The following THSD7A variants were observed in gnomAD, a reference collection of about 807,000 sequenced individuals.
The protein encoded by THSD7A is thrombospondin type-1 domain-containing protein 7A.
Under a neutral mutation model 231.3 loss-of-function variants are expected in THSD7A, and 96 were observed. That is an observed-to-expected ratio of 0.41 (90% confidence interval 0.35 to 0.49). THSD7A has a LOEUF of 0.49. THSD7A is among the 20% of genes least tolerant of loss of function. The pLI, the probability that THSD7A is intolerant of heterozygous loss-of-function variation, is 0.05. For missense variants in THSD7A, 2,290 were observed against 2,070.2 expected (o/e 1.11, Z -2.06); for synonymous variants, 940 against 743.3 (o/e 1.26, Z -4.30).
intron 13 of THSD7A, among the ~76,000 whole-genome samples, chr7:11,430,182 C>A (rs1784437069): frequency 1.3e-5 from 2 of 152,278 alleles, no homozygotes; most frequent in East Asian, 1.9e-4. Flanking sequence ...TGATACTAGG[C>A]AACTCTAGGT....
intron 4 of THSD7A, among the ~76,000 whole-genome samples, chr7:11,556,270 C>CAT (rs202113823): frequency 0.012 from 1,844 of 150,982 alleles, 16 homozygotes; most frequent in Middle Eastern, 0.021. Flanking sequence ...ATATATATGT[C>CAT]ATATATATGG....
intron 1 of THSD7A, among the ~76,000 whole-genome samples, chr7:11,732,541 T>C (rs898859803): frequency 6.6e-6 from 1 of 151,868 alleles, no homozygotes; most frequent in Non-Finnish European, 1.5e-5. Context: ...AATTGTATTT[T>C]ACACTGTGCC....
At chr7:11,385,114 T>C (rs61708037) in intron 23 of THSD7A, 3 of 138,650 alleles carry the variant, frequency 2.2e-5, no homozygotes, top group Non-Finnish European at 4.7e-5. Context: ...TTTTGCTGGT[T>C]AAAAAAAAAA....
intron 1 of THSD7A, among the ~76,000 whole-genome samples, chr7:11,678,965 C>T (rs1783756855): frequency 6.6e-6 from 1 of 152,130 alleles, no homozygotes; most frequent in South Asian, 2.1e-4. Context: ...TTCTGGCAAA[C>T]CAAATCCAGA....
chr7:11,666,677 GT>G (rs34380473), intron 1 of THSD7A, among the ~76,000 whole-genome samples: 2 of 150,616 alleles, frequency 1.3e-5, no homozygotes, highest in South Asian at 4.2e-4. Flanking sequence ...TGATGAAACT[GT>G]TTTTTGATTC....
At chr7:11,494,853 T>C (rs1043908693) in intron 6 of THSD7A, among the ~76,000 whole-genome samples, 2 of 152,076 alleles carry the variant, frequency 1.3e-5, no homozygotes, top group Non-Finnish European at 2.9e-5. Context: ...ACCTTTATAA[T>C]ACAGCATTTT....
intron 1 of THSD7A, among the ~76,000 whole-genome samples, chr7:11,822,413 T>G (rs1479446849): frequency 1.3e-5 from 2 of 152,160 alleles, no homozygotes; most frequent in Admixed American, 6.6e-5. Context: ...TTATATTGTA[T>G]ACATATACAC....
intron 23 of THSD7A, among the ~76,000 whole-genome samples, chr7:11,394,525 A>G (rs1783106502): frequency 6.6e-6 from 1 of 152,194 alleles, no homozygotes; most frequent in Admixed American, 6.5e-5. Flanking sequence ...ACCCTGAGGC[A>G]GAGGGCAAGG....
chr7:11,549,784 G>A (rs2354959), intron 4 of THSD7A, among the ~76,000 whole-genome samples: 41,102 of 96,898 alleles, frequency 0.42, 6,327 homozygotes, highest in Admixed American at 0.56. Flanking sequence ...GTGTGGTTGG[G>A]GGGAGCATCA....
intron 11 of THSD7A, among the ~76,000 whole-genome samples, chr7:11,458,101 A>AG (rs1785368210): frequency 6.6e-6 from 1 of 152,058 alleles, no homozygotes; most frequent in African/African-American, 2.4e-5. Flanking sequence ...CTGATGTGCT[A>AG]GGGGGGACAG....
intron 1 of THSD7A, among the ~76,000 whole-genome samples, chr7:11,647,808 C>G (rs1209900437): frequency 6.6e-6 from 1 of 151,976 alleles, no homozygotes; most frequent in East Asian, 1.9e-4. Context: ...ACAGGTTGGT[C>G]CTTAGCAATT....
intron 6 of THSD7A, among the ~76,000 whole-genome samples, chr7:11,515,143 T>C (rs1375253195): frequency 6.6e-6 from 1 of 152,212 alleles, no homozygotes; most frequent in Non-Finnish European, 1.5e-5. Flanking sequence ...TTAAAATACA[T>C]GCTTTCATCT....
chr7:11,440,359 C>T (rs927145632), intron 13 of THSD7A, among the ~76,000 whole-genome samples: 3 of 152,076 alleles, frequency 2.0e-5, no homozygotes, highest in African/African-American at 7.2e-5. Flanking sequence ...TTCTGCAGCA[C>T]ATGGGCCAAA....
intron 7 of THSD7A, among the ~76,000 whole-genome samples, chr7:11,480,218 A>G (rs1333405024): frequency 6.6e-6 from 1 of 152,212 alleles, no homozygotes; most frequent in Non-Finnish European, 1.5e-5. Context: ...CATATCAAAG[A>G]GCAATCACAA....
At chr7:11,696,047 T>G (rs887145603) in intron 1 of THSD7A, among the ~76,000 whole-genome samples, 2 of 151,444 alleles carry the variant, frequency 1.3e-5, no homozygotes, top group African/African-American at 4.8e-5. Flanking sequence ...GACTTCTAGA[T>G]TTCTACACTG....
chr7:11,646,014 CA>C (rs1782266374), intron 1 of THSD7A, among the ~76,000 whole-genome samples: 1 of 151,814 alleles, frequency 6.6e-6, no homozygotes, highest in Non-Finnish European at 1.5e-5. Context: ...AAGTCTCATG[CA>C]AATAAGGGGA....
In THSD7A at chr7:11,509,033, G is replaced by C. The variant is rs114850036; in HGVS notation, c.1823-27051C>G. Among the ~76,000 whole-genome samples the C allele has an allele frequency of 8.1e-3, 1,234 of 152,158 alleles. 20 individuals are homozygous for C. The highest frequency in any genetic ancestry group is 0.028 in the African/African-American group (1,162 of 41,510). On this transcript the variant is annotated intron_variant, in intron 6 of 27. Transcript: ENST00000423059. ...TATATAACACTATACCAACAGCCAA[G>C]AATAATGTATTATATGCTTAAAAAT... is the stretch of plus-strand genomic sequence containing the variant.
At chr7:11,457,666 C>A (rs930440747) in intron 11 of THSD7A, among the ~76,000 whole-genome samples, 1 of 152,070 alleles carries the variant, frequency 6.6e-6, no homozygotes, top group Non-Finnish European at 1.5e-5. Context: ...AAATACTGAT[C>A]TTGACATTTA....
At chr7:11,695,719 G>A (rs1780372394) in intron 1 of THSD7A, among the ~76,000 whole-genome samples, 1 of 151,632 alleles carries the variant, frequency 6.6e-6, no homozygotes, top group African/African-American at 2.4e-5. Context: ...ATTGTGGTAA[G>A]TGATACTGAA....
Sources: allele counts gnomAD v4.1 joint callset (sites outside exome capture counted in the v4.1 genomes callset), GRCh38; gene constraint gnomAD v4.1.1; transcripts MANE v1.5; gene names NCBI Gene and HGNC (gene_info 2026-07-23, HGNC 2026-07-21).